BSN: variants seen among roughly 807,000 people sequenced by gnomAD.
BSN encodes protein bassoon.
Under a neutral mutation model 264.8 loss-of-function variants are expected in BSN, and 57 were observed. The observed-to-expected ratio is 0.22, with a 90% CI of 0.17 to 0.27. BSN has a LOEUF of 0.27. Among genes scored for constraint, BSN ranks in the 10% least tolerant of loss-of-function variants. BSN has a pLI of 1.00. For synonymous variants in BSN, 2,059 were observed against 2,137.3 expected (o/e 0.96, Z 1.01); for missense variants, 4,615 against 5,232.5 (o/e 0.88, Z 3.64).
intron 1 of BSN, among the ~76,000 whole-genome samples, chr3:49,614,051 C>CTTTTTTTTTTTT (rs35326455): frequency 1.1e-5 from 1 of 87,804 alleles, no homozygotes; most frequent in Non-Finnish European, 2.1e-5. Flanking sequence ...GACATTCAGT[C>CTTTTTTTTTTTT]TTTTTTTTTT....
In BSN at chr3:49,581,780, C is replaced by T. The variant is rs139132912; in HGVS notation, c.224+26954C>T. On this transcript the variant is annotated intron_variant, in intron 1 of 11. Coordinates refer to ENST00000296452, the MANE Select transcript of BSN (RefSeq NM_003458.4). ...CAGAGGTTGCAGTGAGCCGAAATCGCGCCACTGCACTCTAGCCTGAAGAGA... is the reference window on the plus strand; with the variant it reads ...CAGAGGTTGCAGTGAGCCGAAATCGTGCCACTGCACTCTAGCCTGAAGAGA... Among the ~76,000 whole-genome samples the T allele has an allele frequency of 3.0e-3, 459 of 151,934 alleles. 2 individuals are homozygous for T. The highest frequency in any genetic ancestry group is 5.6e-3 in the Non-Finnish European group (378 of 67,972).
chr3:49,614,741 T>C (rs1172250196), intron 1 of BSN, among the ~76,000 whole-genome samples: 10 of 152,236 alleles, frequency 6.6e-5, no homozygotes. Context: ...ACCAATTTAT[T>C]GGGGTTAAAG....
chr3:49,556,753 C>T (rs1031562378), intron 1 of BSN, among the ~76,000 whole-genome samples: 12 of 152,228 alleles, frequency 7.9e-5, no homozygotes, highest in Non-Finnish European at 1.2e-4. Context: ...ATCTCAGATA[C>T]CTGATGCCAA....
chr3:49,624,447 C>T (rs2052327725), intron 1 of BSN, among the ~76,000 whole-genome samples: 2 of 151,974 alleles, frequency 1.3e-5, no homozygotes, highest in South Asian at 2.1e-4. Context: ...TACAGGTGTG[C>T]GCCACCAAGC....
At chr3:49,557,432 T>A (rs2051681666) in intron 1 of BSN, among the ~76,000 whole-genome samples, 1 of 152,174 alleles carries the variant, frequency 6.6e-6, no homozygotes, top group Non-Finnish European at 1.5e-5. Flanking sequence ...TATTTATACA[T>A]ACACTCGTGA....
At chr3:49,672,458 T>A (rs923112837), downstream of BSN, among the ~76,000 whole-genome samples, 13 of 151,548 alleles carry the variant, frequency 8.6e-5, no homozygotes, top group African/African-American at 3.1e-4. Context: ...ACAAATGCAG[T>A]GGCGTCAGAA....
At chr3:49,579,727 G>A (rs911886643) in intron 1 of BSN, among the ~76,000 whole-genome samples, 3 of 149,258 alleles carry the variant, frequency 2.0e-5, no homozygotes, top group Non-Finnish European at 3.0e-5. Context: ...GGCTAGATGC[G>A]CTTTAAAAAA....
intron 1 of BSN, among the ~76,000 whole-genome samples, chr3:49,618,345 C>T (rs897165065): frequency 4.6e-5 from 7 of 152,188 alleles, no homozygotes; most frequent in African/African-American, 1.7e-4. Context: ...AAAAGGAACA[C>T]TCCTCCCTGG....
At chr3:49,589,201 C>T (rs2051959279) in intron 1 of BSN, among the ~76,000 whole-genome samples, 1 of 151,494 alleles carries the variant, frequency 6.6e-6, no homozygotes, top group Non-Finnish European at 1.5e-5. Flanking sequence ...CGTGAGCCAC[C>T]GCGCCCGGCC....
rs111971783 is a variant in BSN at position 49,601,805 on chromosome 3, G to A, written c.225-23170G>A. Among the ~76,000 whole-genome samples, 698 of 152,320 alleles carry A rather than the reference G, an allele frequency of 4.6e-3. 4 individuals carry two copies. The highest frequency in any genetic ancestry group is 0.011 in the African/African-American group (464 of 41,558). ...TTATTCTTTTATTTTTCAAAAGGAG[G>A]TAGTTATTAGATTTCTGAAAACTGT... On this transcript the variant is annotated intron_variant, in intron 1 of 11. Coordinates refer to ENST00000296452, the MANE Select transcript of BSN (RefSeq NM_003458.4).
chr3:49,605,800 TTATA>T (rs1263182715), intron 1 of BSN, among the ~76,000 whole-genome samples: 1 of 81,252 alleles, frequency 1.2e-5, no homozygotes, highest in African/African-American at 5.0e-5. Context: ...ATAAATATAT[TTATA>T]TATATAAATA....
chr3:49,651,677 G>A lies in BSN; in HGVS notation c.2121G>A (p.Gln707=). Residue 707 remains glutamine, a synonymous_variant, in exon 5 of 12, where the codon CAG becomes CAA. Coordinates refer to ENST00000296452, the MANE Select transcript of BSN (RefSeq NM_003458.4). This position sits in a 1 kb window ranked among gnomAD's most constrained non-coding sequence, Gnocchi z 5.4. The part of the protein sequence containing the change: ...ITGVVQQEVE[Q]LDSAGVTGPH... The stretch of plus-strand genomic sequence containing the variant: ...GAGTCGTGCAGCAGGAGGTGGAACA[G>A]CTGGACAGTGCAGGGGTGACAGGGC... 6.2e-7 allele frequency: 1 copy of A among 1,614,140 alleles called. No individual in the cohort carries two copies. The highest frequency in any genetic ancestry group is 8.5e-7 in the Non-Finnish European group (1 of 1,180,036).
intron 1 of BSN, among the ~76,000 whole-genome samples, chr3:49,601,243 A>G (rs1221703278): frequency 6.6e-6 from 1 of 152,220 alleles, no homozygotes; most frequent in Non-Finnish European, 1.5e-5. Context: ...GCTTAGAAAT[A>G]TGGCCAGAAA....
intron 1 of BSN, among the ~76,000 whole-genome samples, chr3:49,592,705 A>G (rs202094470): frequency 6.6e-6 from 1 of 151,094 alleles, no homozygotes; most frequent in East Asian, 2.0e-4. Flanking sequence ...GAGCCGAGAT[A>G]GCGCCGCTGC....
chr3:49,595,940 A>T (rs1484759875), intron 1 of BSN, among the ~76,000 whole-genome samples: 1 of 152,062 alleles, frequency 6.6e-6, no homozygotes, highest in Non-Finnish European at 1.5e-5. Flanking sequence ...AGAAATATGT[A>T]GTTTTATTTC....
intron 1 of BSN, among the ~76,000 whole-genome samples, chr3:49,584,458 T>C (rs942513084): frequency 2.0e-5 from 3 of 152,074 alleles, no homozygotes; most frequent in African/African-American, 7.2e-5. Context: ...TGGTTTGAGG[T>C]CTTTTCTCTT....
At chr3:49,613,851 A>C (rs920760884) in intron 1 of BSN, among the ~76,000 whole-genome samples, 1 of 152,016 alleles carries the variant, frequency 6.6e-6, no homozygotes, top group Non-Finnish European at 1.5e-5. Flanking sequence ...CAGACATTCA[A>C]GAACTCAGGA....
intron 1 of BSN, among the ~76,000 whole-genome samples, chr3:49,588,343 G>T (rs953604333): frequency 3.9e-5 from 6 of 152,092 alleles, no homozygotes; most frequent in Non-Finnish European, 5.9e-5. Context: ...GGGCATCCTT[G>T]TCATGTTCCA....
intron 1 of BSN, among the ~76,000 whole-genome samples, chr3:49,563,661 T>C (rs2108000520): frequency 6.6e-6 from 1 of 152,364 alleles, no homozygotes; most frequent in African/African-American, 2.4e-5. Context: ...TATGTGAGGC[T>C]GCTTCCTTCC....
Sources: allele counts gnomAD v4.1 joint callset (sites outside exome capture counted in the v4.1 genomes callset), GRCh38; gene constraint gnomAD v4.1.1; non-coding constraint Gnocchi (gnomAD v3.1); transcripts MANE v1.5; gene names NCBI Gene and HGNC (gene_info 2026-07-23, HGNC 2026-07-21).